The following FBN1 variants were observed in gnomAD, a reference collection of about 807,000 sequenced individuals.
FBN1 encodes the protein fibrillin 1.
In FBN1, 29 loss-of-function variants were observed where a neutral mutation model predicts 365.1. The ratio of observed to expected loss-of-function variants is 0.08; its 90% CI spans 0.06 to 0.11. The LOEUF is 0.11. Among genes scored for constraint, FBN1 ranks in the 10% least tolerant of loss-of-function variants. The pLI is 1.00. For missense variants in FBN1, 2,476 were observed against 3,703.2 expected (o/e 0.67, Z 8.60); for synonymous variants, 1,210 against 1,270.5 (o/e 0.95, Z 1.01).
Position 48,527,641 on chromosome 15 carries a change from T to C in FBN1, c.863-1386A>G, listed in dbSNP as rs570417928. On this transcript the variant is annotated intron_variant, in intron 8 of 65. Coordinates refer to ENST00000316623, the MANE Select transcript of FBN1 (RefSeq NM_000138.5). ...GTTCTAAGTGAACCAGATTCAAGTA[T>C]CTTCTGACTCAAGTTCACCTTGTTA... Among the ~76,000 whole-genome samples, 3 of 152,384 alleles carry C rather than the reference T, an allele frequency of 2.0e-5. No individual in the cohort carries two copies. In the South Asian group the frequency reaches 6.2e-4, roughly 32 times the overall value.
At position 48,441,575 on chromosome 15, in the gene FBN1, C is replaced by T. The variant is rs369797942; in HGVS notation, c.6163+146G>A. On this transcript the variant is annotated intron_variant, in intron 50 of 65. Transcript: ENST00000316623. ...TTAAAAGTGAAAATGAACCTTCTGA[C>T]ATATGGTTATCATTAGACCTCTGGG... The T allele has an allele frequency of 2.7e-4, 271 of 1,009,720 alleles. 1 individual carries two copies. In the African/African-American group the frequency reaches 3.8e-3, roughly 14 times the overall value. The allele number at this position is 1,009,720 out of a possible 1,614,324, so 62.5% of individuals were successfully genotyped here.
chr15:48,493,572 C>T (rs1290853323), intron 23 of FBN1, among the ~76,000 whole-genome samples: 1 of 152,178 alleles, frequency 6.6e-6, no homozygotes, highest in Non-Finnish European at 1.5e-5. Flanking sequence ...CCAAAGGATT[C>T]AGTCATCATT....
intron 50 of FBN1, among the ~76,000 whole-genome samples, chr15:48,441,354 G>T (rs1203625830): frequency 6.6e-6 from 1 of 152,092 alleles, no homozygotes; most frequent in African/African-American, 2.4e-5. Flanking sequence ...GTCTAACTTT[G>T]GACCCACATT....
chr15:48,535,192 C>T (rs898769931), intron 7 of FBN1, among the ~76,000 whole-genome samples: 1 of 152,210 alleles, frequency 6.6e-6, no homozygotes, highest in Admixed American at 6.5e-5. Flanking sequence ...CCAACAGCAA[C>T]ACCTGGCTGC....
intron 4 of FBN1, among the ~76,000 whole-genome samples, chr15:48,601,048 G>A (rs1039415771): frequency 6.6e-6 from 1 of 152,188 alleles, no homozygotes; most frequent in Non-Finnish European, 1.5e-5. Context: ...GGGACAGCTG[G>A]ATTTGCCTGA....
intron 63 of FBN1, among the ~76,000 whole-genome samples, chr15:48,416,465 G>T (rs2042904189): frequency 6.6e-6 from 1 of 152,116 alleles, no homozygotes; most frequent in Non-Finnish European, 1.5e-5. Flanking sequence ...ATTCAAACCA[G>T]CCTCCTGCCC....
intron 6 of FBN1, among the ~76,000 whole-genome samples, chr15:48,566,091 G>A (rs1293276860): frequency 2.0e-5 from 3 of 152,102 alleles, no homozygotes; most frequent in Non-Finnish European, 4.4e-5. Context: ...CTGACCAAAT[G>A]CCTCCACCCT....
intron 6 of FBN1, among the ~76,000 whole-genome samples, chr15:48,574,410 T>TG (rs1433198523): frequency 6.6e-6 from 1 of 152,198 alleles, no homozygotes; most frequent in Non-Finnish European, 1.5e-5. Context: ...TTGTTGTTTG[T>TG]GACAGCAAGA....
At chr15:48,642,484 A>C (rs1228370673) in intron 2 of FBN1, 1 of 152,218 alleles carries the variant, frequency 6.6e-6, no homozygotes, top group East Asian at 1.9e-4. Context: ...TGTACAATAC[A>C]TTCCATGTAT....
At chr15:48,591,180 T>A (rs562914965) in intron 6 of FBN1, among the ~76,000 whole-genome samples, 2 of 152,358 alleles carry the variant, frequency 1.3e-5, no homozygotes, top group African/African-American at 4.8e-5. Flanking sequence ...TAGTATTTTT[T>A]AAATCTAAGT....
intron 6 of FBN1, among the ~76,000 whole-genome samples, chr15:48,572,667 G>A (rs530090441): frequency 6.6e-6 from 1 of 152,120 alleles, no homozygotes; most frequent in African/African-American, 2.4e-5. Flanking sequence ...AAATGGCCAC[G>A]AAATCATACA....
chr15:48,621,666 A>G (rs1170386762), intron 2 of FBN1, among the ~76,000 whole-genome samples: 1 of 152,202 alleles, frequency 6.6e-6, no homozygotes, highest in African/African-American at 2.4e-5. Context: ...TGAATAAGGA[A>G]TAGACTTTAA....
intron 17 of FBN1, 119 bp from the exon 18 acceptor site, chr15:48,499,157 G>A (rs1292004391): frequency 6.2e-6 from 6 of 966,160 alleles, no homozygotes; most frequent in Admixed American, 1.8e-5. Context: ...AAGTGGTAAC[G>A]GAAAAGGAGG....
In FBN1 at chr15:48,505,045, A is replaced by G. The variant is rs1566913983; in HGVS notation, c.1940T>C (p.Leu647Pro). ...CTTACCAACACACACACGGCCATCCAGACCCACAGCCAGTCCAGGGAAGCA... is the reference window on the plus strand; with the variant it reads ...CTTACCAACACACACACGGCCATCCGGACCCACAGCCAGTCCAGGGAAGCA... ...CECFPGLAVG[L>P]DGRVCVDTHM... Residue 647 changes from leucine (L) to proline (P), a missense_variant, in exon 16 of 66, where the codon CTG becomes CCG. Transcript: ENST00000316623. The G allele has an allele frequency of 6.2e-7, 1 of 1,614,248 alleles. No homozygotes were observed. The highest frequency in any genetic ancestry group is 8.5e-7 in the Non-Finnish European group (1 of 1,180,044).
intron 55 of FBN1, among the ~76,000 whole-genome samples, chr15:48,431,608 G>C (rs2043023106): frequency 6.6e-6 from 1 of 151,436 alleles, no homozygotes; most frequent in Non-Finnish European, 1.5e-5. Context: ...ACAAACCAAA[G>C]CTTACATTAT....
chr15:48,494,269 G>GA lies in FBN1; in HGVS notation c.2678-16dup. Reference sequence around the variant, plus strand: ...ACATATGGGATCTGTAATAAAAAGCGAAAAACAAAACAGAAAACAAATTTG... The same window carrying GA: ...ACATATGGGATCTGTAATAAAAAGCGAAAAAACAAAACAGAAAACAAATTTG... On this transcript the variant is annotated splice_polypyrimidine_tract_variant and intron_variant, in intron 22 of 65. Coordinates refer to ENST00000316623, the MANE Select transcript of FBN1 (RefSeq NM_000138.5). 6.2e-7 allele frequency: 1 copy of GA among 1,608,334 alleles called. No homozygotes were observed. Among genetic ancestry groups the GA allele is most frequent in the Non-Finnish European group, 8.5e-7 (1 of 1,175,462 alleles).
rs371886163 is a variant in FBN1, at chr15:48,488,073, T to C, written c.3337+40A>G. On this transcript the variant is annotated intron_variant, in intron 27 of 65. Transcript: ENST00000316623. The stretch of plus-strand genomic sequence containing the variant: ...TATGAGCCATCAAAGCTTCATGGAA[T>C]CCTTCTCTTTCTGTGTTGATCAAAT... 62 of 1,613,968 alleles carry C rather than the reference T, an allele frequency of 3.8e-5. No homozygotes were observed. The African/African-American group carries it at 7.9e-4, about 20-fold the overall frequency.
At chr15:48,461,324 C>T (rs1282187308) in intron 42 of FBN1, among the ~76,000 whole-genome samples, 1 of 152,122 alleles carries the variant, frequency 6.6e-6, no homozygotes, top group East Asian at 1.9e-4. Flanking sequence ...ATATTCAAAA[C>T]TCAGGCAATC....
intron 64 of FBN1, among the ~76,000 whole-genome samples, chr15:48,415,269 T>C (rs2042893296): frequency 6.6e-6 from 1 of 152,124 alleles, no homozygotes; most frequent in Non-Finnish European, 1.5e-5. Context: ...CCCAACAAGA[T>C]GTGAAGATCA....
Sources: gnomAD v4.1 joint callset for allele counts (sites outside exome capture counted in the v4.1 genomes callset) on GRCh38, gnomAD v4.1.1 for gene constraint, MANE v1.5 for transcripts, NCBI Gene and HGNC (gene_info 2026-07-23, HGNC 2026-07-21) for gene names.